The following CNTN4 variants were observed in gnomAD, a reference collection of about 807,000 sequenced individuals.
The protein encoded by CNTN4 is contactin-4.
CNTN4 carries 77 observed loss-of-function variants against 122.5 expected under a neutral mutation model. That is an observed-to-expected ratio of 0.63 (90% CI 0.52 to 0.76). The LOEUF (loss-of-function observed/expected upper bound fraction) is 0.76. Ranked by LOEUF, CNTN4 falls within the 30% of genes least tolerant of loss-of-function variation. The pLI is 0.00. For missense variants in CNTN4, 1,256 were observed against 1,259.1 expected, an observed-to-expected ratio of 1.00 and a Z score of 0.04; for synonymous variants, 512 against 447.0, an observed-to-expected ratio of 1.15 and a Z score of -1.83.
chr3:2,837,350 A>G (rs1402806894), intron 7 of CNTN4, among the ~76,000 whole-genome samples: 1 of 152,124 alleles, frequency 6.6e-6, no homozygotes, highest in African/African-American at 2.4e-5. Context: ...CAGATACTGA[A>G]GTTAAAATAG....
In CNTN4 at chr3:2,395,100, C is replaced by G. The variant is rs1415821302; in HGVS notation, c.-89+55867C>G. Among the ~76,000 whole-genome samples, 4 of 152,038 alleles carry G rather than the reference C, an allele frequency of 2.6e-5. No individual in the cohort carries two copies. In the East Asian group the frequency reaches 7.7e-4, roughly 29 times the overall value. ...CTGCACCCAGCCAGAATGTTAATAG[C>G]TTTATTCAAAGTAGCAAAAATGGAA... On this transcript the variant is annotated intron_variant, in intron 3 of 24. Coordinates refer to ENST00000418658, the MANE Select transcript of CNTN4 (RefSeq NM_175607.3).
At chr3:2,754,936 A>G (rs767840674) in intron 6 of CNTN4, among the ~76,000 whole-genome samples, 19 of 152,142 alleles carry the variant, frequency 1.2e-4, no homozygotes, top group Non-Finnish European at 2.4e-4. Flanking sequence ...TATGACTACT[A>G]CAGCGAGCCT....
Position 2,352,695 on chromosome 3 carries a change from G to A in CNTN4, c.-89+13462G>A, listed in dbSNP as rs545813061. On this transcript the variant is annotated intron_variant, in intron 3 of 24. Transcript: ENST00000418658. ...CCCACGGTGGGCTCCGGCATGGCTG[G>A]AGCCTCTCCGACAGGTGCCACCCCC... is the stretch of plus-strand genomic sequence containing the variant. Among the ~76,000 whole-genome samples the A allele has an allele frequency of 3.0e-3, 459 of 152,292 alleles. 2 individuals carry two copies. The highest frequency in any genetic ancestry group is 0.01 in the Middle Eastern group (3 of 294).
At chr3:2,765,216 CAA>C (rs1243866213) in intron 6 of CNTN4, among the ~76,000 whole-genome samples, 2 of 152,140 alleles carry the variant, frequency 1.3e-5, no homozygotes, top group Middle Eastern at 3.2e-3. Flanking sequence ...GAGTGTAGTA[CAA>C]AGAGATAGAG....
chr3:2,842,762 T>C (rs537378782), intron 7 of CNTN4, among the ~76,000 whole-genome samples: 5 of 152,190 alleles, frequency 3.3e-5, no homozygotes, highest in Non-Finnish European at 7.3e-5. Context: ...TCTCTAAACT[T>C]CTCAAATACT....
At chr3:2,640,585 G>A (rs2082856029) in intron 4 of CNTN4, among the ~76,000 whole-genome samples, 1 of 152,210 alleles carries the variant, frequency 6.6e-6, no homozygotes, top group Non-Finnish European at 1.5e-5. Flanking sequence ...AACAGTGACT[G>A]TGAGATAATA....
At position 2,484,555 on chromosome 3, in the gene CNTN4, C is replaced by T. The variant is rs577131926; in HGVS notation, c.-88-86861C>T. Among the ~76,000 whole-genome samples, 19 of 152,304 alleles carry T rather than the reference C, an allele frequency of 1.2e-4. No individual in the cohort carries two copies. In the South Asian group the frequency reaches 3.7e-3, roughly 30 times the overall value. The stretch of plus-strand genomic sequence containing the variant: ...ATACTGGCTCCTATAGGGGATGAGG[C>T]TTGTAAACCAGGGTGACTTCAGCAC... On this transcript the variant is annotated intron_variant, in intron 3 of 24. Coordinates refer to ENST00000418658, the MANE Select transcript of CNTN4 (RefSeq NM_175607.3).
intron 4 of CNTN4, among the ~76,000 whole-genome samples, chr3:2,634,238 A>C (rs867441269): frequency 6.6e-6 from 1 of 152,160 alleles, no homozygotes; most frequent in African/African-American, 2.4e-5. Flanking sequence ...TTTCTCTTAG[A>C]TATTACTCCA....
chr3:2,672,486 G>C (rs2084585927), intron 4 of CNTN4, among the ~76,000 whole-genome samples: 1 of 152,200 alleles, frequency 6.6e-6, no homozygotes, highest in African/African-American at 2.4e-5. Flanking sequence ...GGGTGGGAGT[G>C]ACCCGATTTT....
intron 3 of CNTN4, among the ~76,000 whole-genome samples, chr3:2,421,975 T>A (rs1004213843): frequency 3.3e-5 from 5 of 152,178 alleles, no homozygotes; most frequent in Admixed American, 2.6e-4. Flanking sequence ...AAAAAAAAAT[T>A]AGTGTACCTG....
chr3:2,171,756 CAAGAA>C (rs1337168586), intron 2 of CNTN4, among the ~76,000 whole-genome samples: 2 of 152,136 alleles, frequency 1.3e-5, no homozygotes, highest in African/African-American at 4.8e-5. Context: ...CCATGAAAGA[CAAGAA>C]AAGATCATTA....
chr3:2,584,868 T>TGGTA (rs527302765), intron 4 of CNTN4, among the ~76,000 whole-genome samples: 3 of 151,868 alleles, frequency 2.0e-5, no homozygotes, highest in Admixed American at 6.6e-5. Context: ...TTCTCTACAG[T>TGGTA]GGTAGGTAGG....
intron 3 of CNTN4, among the ~76,000 whole-genome samples, chr3:2,352,859 T>C (rs993658490): frequency 2.0e-5 from 3 of 152,140 alleles, no homozygotes; most frequent in African/African-American, 7.2e-5. Context: ...TTGGAGAACT[T>C]TTATGTCTAG....
intron 14 of CNTN4, among the ~76,000 whole-genome samples, chr3:3,025,754 G>C (rs1441453225): frequency 6.6e-6 from 1 of 152,136 alleles, no homozygotes; most frequent in Non-Finnish European, 1.5e-5. Context: ...GCTTTCTAGT[G>C]AAACTGGAGA....
At chr3:2,812,125 G>A (rs149572662) in intron 6 of CNTN4, among the ~76,000 whole-genome samples, 45 of 152,300 alleles carry the variant, frequency 3.0e-4, no homozygotes, top group Non-Finnish European at 6.0e-4. Flanking sequence ...GCCTGTTAGA[G>A]AGTGGAGGGC....
At chr3:2,833,880 C>CT (rs2093157381) in intron 7 of CNTN4, among the ~76,000 whole-genome samples, 3 of 152,132 alleles carry the variant, frequency 2.0e-5, no homozygotes, top group African/African-American at 7.2e-5. Flanking sequence ...TGGCTCACAC[C>CT]TATAATCCCA....
intron 4 of CNTN4, among the ~76,000 whole-genome samples, chr3:2,609,374 C>G (rs1321863675): frequency 6.6e-6 from 1 of 152,166 alleles, no homozygotes; most frequent in Non-Finnish European, 1.5e-5. Context: ...TGGGCCCTCA[C>G]CAGACCTCAA....
chr3:2,207,900 G>T (rs1049387451), intron 2 of CNTN4, among the ~76,000 whole-genome samples: 1 of 152,094 alleles, frequency 6.6e-6, no homozygotes, highest in Non-Finnish European at 1.5e-5. Context: ...GTGACTTTAA[G>T]TTGAGGCCAA....
chr3:2,623,132 T>C (rs547985692), intron 4 of CNTN4, among the ~76,000 whole-genome samples: 1 of 152,350 alleles, frequency 6.6e-6, no homozygotes, highest in South Asian at 2.1e-4. Context: ...CATGGTAATA[T>C]GACAAAATCC....
Sources: gnomAD v4.1 joint callset for allele counts (sites outside exome capture counted in the v4.1 genomes callset) on GRCh38, gnomAD v4.1.1 for gene constraint, MANE v1.5 for transcripts, NCBI Gene and HGNC (gene_info 2026-07-23, HGNC 2026-07-21) for gene names.